Variants in FAM184B observed in about 807,000 individuals in gnomAD.
FAM184B encodes protein FAM184B.
Under a neutral mutation model 135.9 loss-of-function variants are expected in FAM184B, and 111 were observed. The ratio of observed to expected loss-of-function variants is 0.82; its 90% CI spans 0.70 to 0.96. FAM184B has a LOEUF of 0.96. FAM184B is among the 40% of genes least tolerant of loss of function. FAM184B has a pLI of 0.00. For missense variants in FAM184B, 1,375 were observed against 1,323.9 expected (o/e 1.04, Z -0.60); for synonymous variants, 552 against 524.8 (o/e 1.05, Z -0.71).
rs6825562 is a variant in FAM184B, at chr4:17,632,590, A to G, written c.3125T>C (p.Val1042Ala). ...GTGCGGAGAGCCCTGTTTCTGCTGGACTTCTTTGGCTTGGGCCGTTTCACC... is the reference window on the plus strand; with the variant it reads ...GTGCGGAGAGCCCTGTTTCTGCTGGGCTTCTTTGGCTTGGGCCGTTTCACC... The part of the protein sequence containing the change: ...PDGETAQAKE[V>A]QQKQGSPHQE... The change falls in exon 18 of 18, where the codon GTC becomes GCC. Residue 1042 changes from valine to alanine, a missense_variant. Val to Ala is a moderately conservative substitution (Grantham distance 64). Transcript: ENST00000265018. The G allele has an allele frequency of 1, 1,548,006 of 1,551,380 alleles. 772,382 individuals are homozygous for G. The highest frequency in any genetic ancestry group is 1 in the East Asian group (40,908 of 40,908).
intron 7 of FAM184B, among the ~76,000 whole-genome samples, chr4:17,669,016 T>A (rs1716114530): frequency 6.6e-6 from 1 of 152,222 alleles, no homozygotes; most frequent in South Asian, 2.1e-4. Context: ...ATATAGTTTT[T>A]AAAATGTTAT....
intron 8 of FAM184B, 138 bp downstream of exon 8, chr4:17,664,424 A>G (rs1001775749): frequency 7.8e-6 from 5 of 643,372 alleles, no homozygotes; most frequent in African/African-American, 3.7e-5. Flanking sequence ...GACATACAAG[A>G]TATGCTTGTT....
intron 7 of FAM184B, among the ~76,000 whole-genome samples, chr4:17,673,861 T>C (rs1353769279): frequency 2.0e-5 from 3 of 152,128 alleles, no homozygotes; most frequent in African/African-American, 7.2e-5. Flanking sequence ...AAATCACTGC[T>C]AAAGAACTTA....
chr4:17,773,689 T>C (rs988669539), intron 1 of FAM184B, among the ~76,000 whole-genome samples: 1 of 152,230 alleles, frequency 6.6e-6, no homozygotes, highest in African/African-American at 2.4e-5. Context: ...ACAATTCTCC[T>C]GCCTCAGCCT....
At chr4:17,641,524 G>T (rs1715312242) in intron 13 of FAM184B, among the ~76,000 whole-genome samples, 2 of 115,648 alleles carry the variant, frequency 1.7e-5, no homozygotes, top group Admixed American at 1.3e-4. Flanking sequence ...TGTCGCCCAG[G>T]CTGGAGTGCA....
intron 12 of FAM184B, among the ~76,000 whole-genome samples, chr4:17,643,662 A>T (rs545055919): frequency 3.3e-5 from 5 of 152,212 alleles, no homozygotes; most frequent in African/African-American, 7.2e-5. Context: ...CCTGTGATTC[A>T]TCATTTGTTA....
At chr4:17,660,158 T>A in intron 8 of FAM184B, 71 bp from the exon 9 acceptor site, 1 of 1,502,032 alleles carries the variant, frequency 6.7e-7, no homozygotes, top group South Asian at 1.2e-5. Flanking sequence ...TCCGATAACG[T>A]GCCAGCCACT....
intron 1 of FAM184B, among the ~76,000 whole-genome samples, chr4:17,756,880 C>A (rs1212288959): frequency 6.6e-6 from 1 of 152,026 alleles, no homozygotes; most frequent in African/African-American, 2.4e-5. Flanking sequence ...GCCAAGATCA[C>A]GTCACTGCAC....
chr4:17,675,365 TA>T (rs1271957092), intron 7 of FAM184B, among the ~76,000 whole-genome samples: 1 of 152,200 alleles, frequency 6.6e-6, no homozygotes, highest in African/African-American at 2.4e-5. Context: ...TTCTGAGCAG[TA>T]AGTCTCAACA....
At chr4:17,634,181 G>T (rs981017571) in intron 16 of FAM184B, 12 of 260,556 alleles carry the variant, frequency 4.6e-5, no homozygotes, top group Admixed American at 2.7e-4. Context: ...CCCAGCAGGG[G>T]ATGGGCCCAC....
intron 10 of FAM184B, among the ~76,000 whole-genome samples, chr4:17,653,931 G>GAGAGAGAGAGAGGGAGAGGGA (rs1560168678): frequency 6.2e-4 from 1 of 1,606 alleles, no homozygotes; most frequent in African/African-American, 3.6e-3. Context: ...GGAGGGGGAG[G>GAGAGAGAGAGAGGGAGAGGGA]GGGATTTGAA....
chr4:17,729,569 G>A (rs534426277), intron 1 of FAM184B, among the ~76,000 whole-genome samples: 35 of 152,332 alleles, frequency 2.3e-4, no homozygotes, highest in Admixed American at 1.0e-3. Context: ...GAACGATCAG[G>A]CAGCAGCATT....
At chr4:17,768,259 G>C (rs1054666051) in intron 1 of FAM184B, among the ~76,000 whole-genome samples, 1 of 152,142 alleles carries the variant, frequency 6.6e-6, no homozygotes, top group African/African-American at 2.4e-5. Context: ...TTGGCCTGTG[G>C]GCCATAGTTT....
intron 1 of FAM184B, among the ~76,000 whole-genome samples, chr4:17,765,153 G>GA (rs1262107620): frequency 6.6e-6 from 1 of 152,216 alleles, no homozygotes; most frequent in Non-Finnish European, 1.5e-5. Flanking sequence ...GGTGGGAGGA[G>GA]AAAGTGTAAT....
rs753665897 is a variant in FAM184B at position 17,704,995 on chromosome 4, C to G, written c.1377+5G>C. ...CAGAACAGTCTCTATGGAAGTAGGTCTCACCCTCTGCAGTTTCTTTCTTTC... is the reference window on the plus strand; with the variant it reads ...CAGAACAGTCTCTATGGAAGTAGGTGTCACCCTCTGCAGTTTCTTTCTTTC... On this transcript the variant is annotated splice_donor_5th_base_variant and intron_variant, in intron 5 of 17. Transcript: ENST00000265018. The G allele has an allele frequency of 1.3e-5, 20 of 1,551,042 alleles. No individual in the cohort carries two copies. Among genetic ancestry groups the G allele is most frequent in the Non-Finnish European group, 1.7e-5 (19 of 1,146,784 alleles).
intron 1 of FAM184B, among the ~76,000 whole-genome samples, chr4:17,722,001 G>A (rs1373962738): frequency 2.0e-5 from 3 of 152,204 alleles, no homozygotes; most frequent in South Asian, 4.1e-4. Context: ...TGAGATGCAG[G>A]CAGGAAGAAG....
At chr4:17,768,431 C>T (rs373984429) in intron 1 of FAM184B, among the ~76,000 whole-genome samples, 6 of 152,134 alleles carry the variant, frequency 3.9e-5, no homozygotes, top group East Asian at 1.9e-4. Flanking sequence ...CACCCCGCCA[C>T]GCCCAGCTAA....
intron 1 of FAM184B, among the ~76,000 whole-genome samples, chr4:17,736,982 TA>T (rs1274537497): frequency 6.6e-6 from 1 of 152,040 alleles, no homozygotes; most frequent in Admixed American, 6.6e-5. Context: ...CCATCTCTAC[TA>T]AAAATACAAA....
chr4:17,746,667 GC>G (rs1718172670), intron 1 of FAM184B, among the ~76,000 whole-genome samples: 1 of 151,364 alleles, frequency 6.6e-6, no homozygotes, highest in Admixed American at 6.6e-5. Context: ...GGGAGGTGGA[GC>G]TTGCAGTGAG....
Sources: gnomAD v4.1 joint callset for allele counts (sites outside exome capture counted in the v4.1 genomes callset) on GRCh38, gnomAD v4.1.1 for gene constraint, MANE v1.5 for transcripts, NCBI Gene and HGNC (gene_info 2026-07-23, HGNC 2026-07-21) for gene names.